INSL6: variants seen among roughly 807,000 people sequenced by gnomAD.
INSL6 encodes insulin-like peptide INSL6.
A neutral mutation model predicts 9.4 loss-of-function variants in INSL6; 16 were observed. The ratio of observed to expected loss-of-function variants is 1.70; its 90% CI spans 1.15 to 2.59. The LOEUF is 2.59. Among genes scored for constraint, INSL6 ranks in the 30% most tolerant of loss-of-function variants. The pLI, the probability that INSL6 is intolerant of heterozygous loss-of-function variation, is 0.00. For missense variants in INSL6, 391 were observed against 257.3 expected, an observed-to-expected ratio of 1.52 and a Z score of -3.56; for synonymous variants, 154 against 96.9, an observed-to-expected ratio of 1.59 and a Z score of -3.46.
chr9:4,993,127 G>A, the INSL6 span, among the ~76,000 whole-genome samples: 19 of 152,214 alleles, frequency 1.2e-4, 1 homozygote, highest in East Asian at 1.7e-3. Context: ...TGGACTTCCT[G>A]TGTGTAAGTT....
At chr9:5,183,382 C>T (rs979179860) in intron 1 of INSL6, among the ~76,000 whole-genome samples, 2 of 152,130 alleles carry the variant, frequency 1.3e-5, no homozygotes, top group African/African-American at 4.8e-5. Context: ...GTGGGTATAA[C>T]AATTTTCAAA....
chr9:5,043,218 G>A, the INSL6 span, among the ~76,000 whole-genome samples: 1 of 152,222 alleles, frequency 6.6e-6, no homozygotes, highest in South Asian at 2.1e-4. Flanking sequence ...GCCCAGGGCG[G>A]TGGCCGTGAG....
the INSL6 span, among the ~76,000 whole-genome samples, chr9:5,023,495 C>G: frequency 1.3e-5 from 2 of 152,146 alleles, no homozygotes; most frequent in Admixed American, 6.5e-5. Context: ...TTTGTGCTGT[C>G]TCTGGGCAGC....
the INSL6 span, among the ~76,000 whole-genome samples, chr9:5,076,955 T>G: frequency 1.3e-5 from 2 of 152,002 alleles, no homozygotes; most frequent in Admixed American, 6.6e-5. Context: ...TAAAAAAGTT[T>G]TAAAGATAAA....
the INSL6 span, among the ~76,000 whole-genome samples, chr9:5,092,738 A>G: frequency 3.3e-5 from 5 of 152,190 alleles, no homozygotes; most frequent in Non-Finnish European, 7.3e-5. Flanking sequence ...GAGCGTACTC[A>G]CCTACGTGGC....
chr9:5,134,464 G>C (rs947504239), intron 2 of INSL6, among the ~76,000 whole-genome samples: 1 of 152,158 alleles, frequency 6.6e-6, no homozygotes, highest in Non-Finnish European at 1.5e-5. Context: ...TACCCACAAA[G>C]GGAAGCCCAT....
chr9:5,044,345 T>C, the INSL6 span: 1 of 1,011,488 alleles, frequency 9.9e-7, no homozygotes. Context: ...TATATATAGA[T>C]AGTACGTTTG....
chr9:5,052,615 A>G, the INSL6 span, among the ~76,000 whole-genome samples: 1,770 of 152,234 alleles, frequency 0.012, 36 homozygotes, highest in African/African-American at 0.038. Context: ...CCTTTCTGAA[A>G]GAAACCCCAT....
chr9:5,111,398 AGCG>A, the INSL6 span: 1 of 403,454 alleles, frequency 2.5e-6, no homozygotes, highest in African/African-American at 2.1e-5. Context: ...AGAGGCGGAC[AGCG>A]GCCTGGACAC....
the INSL6 span, chr9:5,111,261 C>T: frequency 4.4e-5 from 22 of 505,434 alleles, no homozygotes; most frequent in Admixed American, 7.1e-5. Flanking sequence ...CGCAGGCGTG[C>T]GCAGCCTGAC....
At chr9:5,126,273 G>T in intron 3 of INSL6, 3 of 1,236,652 alleles carry the variant, frequency 2.4e-6, no homozygotes, top group Non-Finnish European at 3.5e-6. Context: ...GGAGGAAATT[G>T]AGAAAGAATT....
the INSL6 span, among the ~76,000 whole-genome samples, chr9:5,014,536 A>G: frequency 6.6e-6 from 1 of 152,176 alleles, no homozygotes; most frequent in Non-Finnish European, 1.5e-5. Context: ...GGAAAATATC[A>G]GAACAGCTGT....
At chr9:5,066,831 T>A in the INSL6 span, 3 of 815,868 alleles carry the variant, frequency 3.7e-6, no homozygotes, top group Non-Finnish European at 5.5e-6. Flanking sequence ...TTTATTTAGT[T>A]CATTTAATTT....
At chr9:5,173,669 T>C (rs1388569279) in intron 1 of INSL6, among the ~76,000 whole-genome samples, 2 of 152,040 alleles carry the variant, frequency 1.3e-5, no homozygotes, top group Non-Finnish European at 2.9e-5. Context: ...CTGAGCTTAA[T>C]GCCTAGGTGA....
exon 3 of INSL6, chr9:5,133,482 T>A (rs1392397883): frequency 6.5e-6 from 1 of 153,496 alleles, no homozygotes; most frequent in South Asian, 2.1e-4. Context: ...CCCTCTGGGA[T>A]GAAGCTTCCA....
At chr9:4,998,916 G>C in the INSL6 span, among the ~76,000 whole-genome samples, 2 of 151,940 alleles carry the variant, frequency 1.3e-5, no homozygotes, top group African/African-American at 4.8e-5. Flanking sequence ...CCGCCTCCCG[G>C]GTTCACGCCA....
intron 2 of INSL6, among the ~76,000 whole-genome samples, chr9:5,150,967 A>G (rs1824701956): frequency 1.3e-5 from 2 of 152,180 alleles, no homozygotes; most frequent in African/African-American, 4.8e-5. Context: ...CTTATATAAA[A>G]TAACTAAGAA....
the INSL6 span, among the ~76,000 whole-genome samples, chr9:5,044,740 C>G: frequency 1.3e-5 from 2 of 152,024 alleles, no homozygotes; most frequent in African/African-American, 4.8e-5. Flanking sequence ...TTGGACTGAT[C>G]CTTTTGAATT....
the INSL6 span, chr9:5,114,006 G>A: frequency 3.5e-6 from 1 of 287,622 alleles, no homozygotes; most frequent in Non-Finnish European, 6.9e-6. Flanking sequence ...GCAGGTCGTG[G>A]ATGTGAACTG....
Sources: allele counts gnomAD v4.1 joint callset (sites outside exome capture counted in the v4.1 genomes callset), GRCh38; gene constraint gnomAD v4.1.1; transcripts MANE v1.5; gene names NCBI Gene and HGNC (gene_info 2026-07-23, HGNC 2026-07-21).